The following PODNL1 variants were observed in gnomAD, a reference collection of about 807,000 sequenced individuals.
PODNL1 encodes podocan like 1, also known as podocan-like protein 1.
PODNL1 carries 50 observed loss-of-function variants against 45.1 expected under a neutral mutation model. The observed-to-expected ratio is 1.11, with a 90% CI of 0.88 to 1.40. The LOEUF (loss-of-function observed/expected upper bound fraction) is 1.40. Among genes scored for constraint, PODNL1 ranks in the 40% most tolerant of loss-of-function variants. PODNL1 has a pLI of 0.00. For synonymous variants in PODNL1, 406 were observed against 372.5 expected (o/e 1.09, Z -1.04); for missense variants, 788 against 793.3 (o/e 0.99, Z 0.08).
intron 1 of PODNL1, among the ~76,000 whole-genome samples, chr19:13,943,480 G>T (rs1445433991): frequency 6.6e-6 from 1 of 151,124 alleles, no homozygotes; most frequent in Non-Finnish European, 1.5e-5. Context: ...ATTTATTTTT[G>T]AGATGGAGTC....
At position 13,953,026 on chromosome 19, in the gene PODNL1, G is replaced by A. The variant is rs1176186146; in HGVS notation, c.18+93C>T. 4.3e-6 allele frequency: 6 copies of A among 1,404,682 alleles called. No individual in the cohort carries two copies. In the African/African-American group the frequency reaches 8.6e-5, roughly 20 times the overall value. 87.0% of individuals were successfully genotyped at this position (1,404,682 alleles called of 1,614,324 possible). On this transcript the variant is annotated intron_variant, in intron 1 of 7. Coordinates refer to the PODNL1 transcript ENST00000538371. ...ATAATGGAACCTTCCCGCCCCCTTT[G>A]CAGAGCCCCTGCCGCTGGCTTTGGG...
At chr19:13,945,189 G>GTGCCC (rs1972774195) in intron 1 of PODNL1, among the ~76,000 whole-genome samples, 1 of 152,056 alleles carries the variant, frequency 6.6e-6, no homozygotes, top group African/African-American at 2.4e-5. Flanking sequence ...ATGCACCACT[G>GTGCCC]TGCCCTGTAC....
rs1213700097 is a variant in PODNL1, at chr19:13,953,257, C to CT, written c.-122dup. 3 of 971,266 alleles carry CT rather than the reference C, an allele frequency of 3.1e-6. No individual in the cohort carries two copies. The East Asian group carries it at 9.3e-5, about 30-fold the overall frequency. The allele number at this position is 971,266 out of a possible 1,614,324, so 60.2% of individuals were successfully genotyped here. A position where few individuals can be genotyped will look rare whatever the true frequency, so the allele number is the denominator to read the frequency against. On this transcript the variant is annotated 5_prime_UTR_variant, in exon 1 of 8. Transcript: ENST00000538371. ...CCCAGAGCTGGGGGATGATGTCTCT[C>CT]TCCCCCATCAGTTTGGGAGCTCTGG...
At position 13,933,798 on chromosome 19, in the gene PODNL1, C is replaced by T; in HGVS notation, c.767+80G>A. The stretch of plus-strand genomic sequence containing the variant: ...AGTAAATGAGGCCGTGGCTTAGGAG[C>T]CAGTCAGGGAAGGGGGACTGAAGGT... On this transcript the variant is annotated intron_variant, in intron 7 of 9. Coordinates refer to ENST00000588872, the MANE Select transcript of PODNL1 (RefSeq NM_001370095.3). The surrounding 1 kb of genome is among the most constrained non-coding windows in gnomAD (Gnocchi z 5.2). 8.0e-7 allele frequency: 1 copy of T among 1,250,668 alleles called. No homozygotes were observed. Among genetic ancestry groups the T allele is most frequent in the South Asian group, 1.3e-5 (1 of 76,196 alleles). 77.5% of individuals were successfully genotyped at this position (1,250,668 alleles called of 1,614,324 possible).
chr19:13,939,590 A>G (rs1972582321), upstream of PODNL1, among the ~76,000 whole-genome samples: 1 of 152,088 alleles, frequency 6.6e-6, no homozygotes, highest in Admixed American at 6.6e-5. Flanking sequence ...ATAAATTTAA[A>G]AAAAAATTAG....
In PODNL1 at chr19:13,935,145, T is replaced by A. The variant is rs573137261; in HGVS notation, c.494+576A>T. On this transcript the variant is annotated intron_variant, in intron 5 of 9. Transcript: ENST00000588872. ...AGGTGTGTATGTGAGTCTGTGTAAGTGTGTGTGTGTGTGTGTCCCTGCACA... is the reference window on the plus strand; with the variant it reads ...AGGTGTGTATGTGAGTCTGTGTAAGAGTGTGTGTGTGTGTGTCCCTGCACA... 4.3e-4 allele frequency among the ~76,000 whole-genome samples: 63 copies of A among 147,010 alleles called. No individual in the cohort carries two copies. In the South Asian group the frequency reaches 7.3e-3, roughly 17 times the overall value.
chr19:13,953,083 A>G, intron 1 of PODNL1: 5 of 1,550,676 alleles, frequency 3.2e-6, no homozygotes, highest in African/African-American at 1.4e-5. Context: ...CTCCCTGCCC[A>G]AGCCCCGACC....
Position 13,933,303 on chromosome 19 carries a change from C to A in PODNL1, c.920G>T (p.Arg307Leu). ...AARLHGARGL[R>L]YLLLQHNQLG... ...CTGGTTGTGCTGCAGCAACAAATAG[C>A]GCAGACCACGCGCCCCGTGCAGCCG... The change falls in exon 8 of 10, where the codon CGC becomes CTC. Residue 307 changes from arginine (R) to leucine (L), a missense_variant. By Grantham distance (102) the Arg-to-Leu change is moderately radical. Around this residue, in one of 3 missense-constraint regions of PODNL1, gnomAD observed 762 missense variants for 750.9 expected, o/e 1.01. Coordinates refer to ENST00000588872, the MANE Select transcript of PODNL1 (RefSeq NM_001370095.3). This position sits in a 1 kb window ranked among gnomAD's most constrained non-coding sequence, Gnocchi z 5.2. 2 of 1,585,678 alleles carry A rather than the reference C, an allele frequency of 1.3e-6. No individual in the cohort carries two copies. Among genetic ancestry groups the A allele is most frequent in the Non-Finnish European group, 1.7e-6 (2 of 1,170,812 alleles).
chr19:13,933,928 G>A lies in PODNL1; in HGVS notation c.717C>T (p.Tyr239=). 3 of 1,612,860 alleles carry A rather than the reference G, an allele frequency of 1.9e-6. No individual in the cohort carries two copies. The highest frequency in any genetic ancestry group is 2.5e-6 in the Non-Finnish European group (3 of 1,179,502). ...TGTCTGTCAGCTGGTTGTGCTGGAG[G>A]TAGAGCTCACGGAGTTGAGTCTGGC... The part of the protein sequence containing the change: ...LSRQTQLREL[Y]LQHNQLTDSG... The change falls in exon 7 of 10, where the codon TAC becomes TAT. Residue 239 remains tyrosine (Y), a synonymous_variant. Transcript: ENST00000588872. The surrounding 1 kb of genome is among the most constrained non-coding windows in gnomAD (Gnocchi z 5.2).
At chr19:13,940,649 G>A (rs564530610), upstream of PODNL1, among the ~76,000 whole-genome samples, 3 of 150,966 alleles carry the variant, frequency 2.0e-5, no homozygotes, top group South Asian at 4.2e-4. Context: ...TTGGGAGGCC[G>A]AGGTGGGCAG....
chr19:13,932,801 G>A lies in PODNL1; in HGVS notation c.1422C>T (p.Leu474=). 6.2e-7 allele frequency: 1 copy of A among 1,613,050 alleles called. No homozygotes were observed. Among genetic ancestry groups the A allele is most frequent in the Non-Finnish European group, 8.5e-7 (1 of 1,180,014 alleles). The part of the protein sequence containing the change: ...GPGTWHELQA[L]QMLDLSHNEL... ...GGCTAACCAGCCTGTGCCTGACCTGGAGGGCTTGGAGCTCATGCCAGGTGC... is the reference window on the plus strand; with the variant it reads ...GGCTAACCAGCCTGTGCCTGACCTGAAGGGCTTGGAGCTCATGCCAGGTGC... Residue 474 remains leucine, a synonymous_variant, in exon 8 of 10, where the codon CTC becomes CTT. Transcript: ENST00000588872.
chr19:13,937,429 C>T (rs1450566426), intron 2 of PODNL1, among the ~76,000 whole-genome samples: 22 of 138,666 alleles, frequency 1.6e-4, no homozygotes, highest in Admixed American at 4.5e-4. Context: ...CCCCCACAAT[C>T]GACCCCAAAT....
intron 4 of PODNL1, 47 bp from the exon 5 acceptor site, chr19:13,935,877 C>T (rs1434319684): frequency 1.3e-6 from 2 of 1,555,564 alleles, no homozygotes; most frequent in Non-Finnish European, 1.7e-6. Flanking sequence ...TGCGCCTTGG[C>T]CCCACCACTT....
intron 1 of PODNL1, 76 bp from the exon 2 acceptor site, chr19:13,938,082 G>C: frequency 2.0e-6 from 3 of 1,474,586 alleles, no homozygotes; most frequent in Non-Finnish European, 2.7e-6. Flanking sequence ...TCCCCTCCTC[G>C]GGGAGGGTCT....
intron 1 of PODNL1, among the ~76,000 whole-genome samples, chr19:13,948,198 C>A (rs868437948): frequency 1.4e-5 from 2 of 139,572 alleles, no homozygotes; most frequent in African/African-American, 3.2e-5. Context: ...CTTTTCTTTT[C>A]TTTTCTTTTT....
In PODNL1 at chr19:13,937,911, CT is replaced by C. The variant is rs1305646893; in HGVS notation, c.98del (p.Gln33ArgfsTer118). ...GCAGGGGACAGGCCCGGGGCAGGGG[CT>C]GCAAGCTCTCCCCCAGGTGGGGGAA... is the stretch of plus-strand genomic sequence containing the variant. ...AAFPHLGESL[Q>X]PLPRACPLRC... On this transcript the variant is annotated frameshift_variant, in exon 2 of 10. Transcript: ENST00000588872. LOFTEE classifies it high-confidence loss of function. 6.4e-7 allele frequency: 1 copy of C among 1,561,164 alleles called. No homozygotes were observed. The highest frequency in any genetic ancestry group is 1.9e-5 in the Admixed American group (1 of 51,540).
chr19:13,937,811 T>A lies in PODNL1; in HGVS notation c.199A>T (p.Arg67Ter). The change falls in exon 2 of 10, where the codon AGA (arginine) becomes TGA (stop). Residue 67 changes from arginine to a stop codon, truncating the protein, a stop_gained. Coordinates refer to ENST00000588872, the MANE Select transcript of PODNL1 (RefSeq NM_001370095.3). LOFTEE classifies it high-confidence loss of function. ...TGCAGGGAGAGGTGCTGAGCGGCTCTGGTGATGTTGTCCGGGAACACTCGA... is the reference window on the plus strand; with the variant it reads ...TGCAGGGAGAGGTGCTGAGCGGCTCAGGTGATGTTGTCCGGGAACACTCGA... ...DLRVFPDNIT[R>*]AAQHLSLQNN... The A allele has an allele frequency of 6.3e-7, 1 of 1,592,662 alleles. No individual in the cohort carries two copies. The highest frequency in any genetic ancestry group is 2.3e-5 in the East Asian group (1 of 44,114).
At chr19:13,943,470 A>T (rs1972719490), upstream of PODNL1, among the ~76,000 whole-genome samples, 1 of 151,376 alleles carries the variant, frequency 6.6e-6, no homozygotes, top group Non-Finnish European at 1.5e-5. Context: ...GTCTTTATTT[A>T]TTTATTTTTG....
chr19:13,933,363 A>G lies in PODNL1; in HGVS notation c.860T>C (p.Leu287Pro). 6 of 1,608,200 alleles carry G rather than the reference A, an allele frequency of 3.7e-6. No individual in the cohort carries two copies. Among genetic ancestry groups the G allele is most frequent in the Non-Finnish European group, 5.1e-6 (6 of 1,179,208 alleles). ...CACCTGCCGGATGCGGTTGCGGCCC[A>G]GGTGCAGGATAGCCAGGGTCCGGGG... Reference protein sequence around the residue: ...GLPRTLAILHLGRNRIRQVEA... With the variant: ...GLPRTLAILHPGRNRIRQVEA... The change falls in exon 8 of 10, where the codon CTG becomes CCG. Residue 287 changes from leucine (L) to proline (P), a missense_variant. Physicochemically the swap from Leu to Pro is moderately conservative, Grantham distance 98. Transcript: ENST00000588872. This position sits in a 1 kb window ranked among gnomAD's most constrained non-coding sequence, Gnocchi z 5.2.
Sources: gnomAD v4.1 joint callset for allele counts (sites outside exome capture counted in the v4.1 genomes callset) on GRCh38, gnomAD v4.1.1 for gene constraint, gnomAD v4.1.1 regional missense constraint, Gnocchi (gnomAD v3.1) non-coding constraint, MANE v1.5 for transcripts, NCBI Gene and HGNC (gene_info 2026-07-23, HGNC 2026-07-21) for gene names.